KMT2C: variants seen among roughly 807,000 people sequenced by gnomAD.
The protein encoded by KMT2C is histone-lysine N-methyltransferase 2C.
In KMT2C, 88 loss-of-function variants were observed where a neutral mutation model predicts 507.9. The ratio of observed to expected loss-of-function variants is 0.17; its 90% CI spans 0.15 to 0.21. The LOEUF (loss-of-function observed/expected upper bound fraction) is 0.21, where lower values mean the gene tolerates loss of function less well. Ranked by LOEUF, KMT2C falls within the 10% of genes least tolerant of loss-of-function variation. The probability of loss-of-function intolerance (pLI) is 1.00; values close to 1 mark genes in which losing one functional copy is unlikely to be tolerated. For missense variants in KMT2C, 4,954 were observed against 5,957.8 expected (o/e 0.83, Z 5.55); for synonymous variants, 2,049 against 2,080.8 (o/e 0.98, Z 0.42).
At position 152,368,435 on chromosome 7, in the gene KMT2C, A is replaced by G. The variant is rs112516511; in HGVS notation, c.162-9760T>C. ...GAGATGGAGATGGAGCAGGTGTTAG[A>G]GATGAAGGTCAAATAAAAAGTTCAA... is the stretch of plus-strand genomic sequence containing the variant. On this transcript the variant is annotated intron_variant, in intron 1 of 58. Coordinates refer to ENST00000262189, the MANE Select transcript of KMT2C (RefSeq NM_170606.3). The G allele has an allele frequency of 7.3e-5, 85 of 1,158,090 alleles. 1 individual carries two copies. In the African/African-American group the frequency reaches 1.0e-3, roughly 14 times the overall value. 71.7% of individuals were successfully genotyped at this position (1,158,090 alleles called of 1,614,324 possible). A position where few individuals can be genotyped will look rare whatever the true frequency, so the allele number is the denominator to read the frequency against.
intron 23 of KMT2C, among the ~76,000 whole-genome samples, chr7:152,215,109 A>C (rs1343038812): frequency 2.6e-5 from 4 of 152,166 alleles, no homozygotes; most frequent in Admixed American, 6.5e-5. Flanking sequence ...TGCCAAAAAC[A>C]GTTTTAAATG....
At chr7:152,413,947 C>T (rs920386238) in intron 1 of KMT2C, among the ~76,000 whole-genome samples, 1 of 151,698 alleles carries the variant, frequency 6.6e-6, no homozygotes, top group Non-Finnish European at 1.5e-5. Context: ...CGCGATGGCT[C>T]ATGCCTGTAA....
chr7:152,148,570 C>A lies in KMT2C; in HGVS notation c.13357G>T (p.Ala4453Ser). 2 of 1,614,254 alleles carry A rather than the reference C, an allele frequency of 1.2e-6. No individual in the cohort carries two copies. The highest frequency in any genetic ancestry group is 1.7e-6 in the Non-Finnish European group (2 of 1,180,050). ...QAGALINVELALRRGLQMKCV... is the reference protein window; with the variant it reads ...QAGALINVELSLRRGLQMKCV... The stretch of plus-strand genomic sequence containing the variant: ...TTCATTTGTAGGCCTCTCCTCAGAG[C>A]TAGCTCCACATTTATTAAGGCACCA... The change falls in exon 52 of 59, where the codon GCT (alanine) becomes TCT (serine). Residue 4453 changes from alanine (A) to serine (S), a missense_variant. By Grantham distance (99) the Ala-to-Ser change is moderately conservative. Around this residue, in one of 29 missense-constraint regions of KMT2C, gnomAD observed 39 missense variants for 101.8 expected, o/e 0.38. Coordinates refer to ENST00000262189, the MANE Select transcript of KMT2C (RefSeq NM_170606.3). This position sits in a 1 kb window ranked among gnomAD's most constrained non-coding sequence, Gnocchi z 7.1.
chr7:152,140,213 C>T (rs114701655), intron 55 of KMT2C, among the ~76,000 whole-genome samples: 112 of 152,294 alleles, frequency 7.4e-4, no homozygotes, highest in African/African-American at 2.6e-3. Context: ...TAACTATAAC[C>T]AATCACTGAT....
chr7:152,366,586 T>A (rs1028882302), intron 1 of KMT2C, among the ~76,000 whole-genome samples: 3 of 152,262 alleles, frequency 2.0e-5, no homozygotes, highest in African/African-American at 7.2e-5. Context: ...TGCCAGAGGC[T>A]GAGAGAAGGG....
rs1429623814 is a variant in KMT2C at position 152,352,514 on chromosome 7, C to T, written c.250+6073G>A. ...CTTGCTGGTTTTGCGGCCTGTGGGG[C>T]ATCACGGAACCTACCAACATGTGAT... On this transcript the variant is annotated intron_variant, in intron 2 of 58. Coordinates refer to ENST00000262189, the MANE Select transcript of KMT2C (RefSeq NM_170606.3). 2.0e-5 allele frequency among the ~76,000 whole-genome samples: 3 copies of T among 152,154 alleles called. No individual in the cohort carries two copies. The South Asian group carries it at 6.2e-4, about 32-fold the overall frequency.
At chr7:152,260,999 G>C (rs1389438227) in intron 9 of KMT2C, among the ~76,000 whole-genome samples, 1 of 152,114 alleles carries the variant, frequency 6.6e-6, no homozygotes, top group Non-Finnish European at 1.5e-5. Flanking sequence ...AGTAAAAGAA[G>C]AGAAAAGTAG....
chr7:152,303,690 T>G (rs2096591472), intron 6 of KMT2C, among the ~76,000 whole-genome samples: 1 of 152,018 alleles, frequency 6.6e-6, no homozygotes, highest in Non-Finnish European at 1.5e-5. Context: ...TTAAGTTACA[T>G]AAAGGAGATA....
intron 20 of KMT2C, among the ~76,000 whole-genome samples, 173 bp from the exon 21 acceptor site, chr7:152,222,855 A>T (rs1456263211): frequency 6.6e-6 from 1 of 152,218 alleles, no homozygotes; most frequent in Non-Finnish European, 1.5e-5. Flanking sequence ...ACTTTCATAC[A>T]GCTAAGAAGG....
At chr7:152,259,446 G>GCACACGCA (rs1554587606) in intron 9 of KMT2C, among the ~76,000 whole-genome samples, 6 of 134,688 alleles carry the variant, frequency 4.5e-5, no homozygotes, top group Non-Finnish European at 9.5e-5. Context: ...ACACACACGC[G>GCACACGCA]CACACACACA....
intron 2 of KMT2C, among the ~76,000 whole-genome samples, chr7:152,352,452 C>G (rs1406928092): frequency 6.6e-6 from 1 of 152,146 alleles, no homozygotes; most frequent in African/African-American, 2.4e-5. Context: ...ACACCCTATT[C>G]ATATACTCCC....
intron 9 of KMT2C, among the ~76,000 whole-genome samples, chr7:152,259,244 G>C (rs111380172): frequency 6.6e-6 from 1 of 152,016 alleles, no homozygotes; most frequent in Non-Finnish European, 1.5e-5. Flanking sequence ...GACATAACTG[G>C]AATATGGCTA....
At chr7:152,275,592 A>G (rs1012420341) in intron 6 of KMT2C, among the ~76,000 whole-genome samples, 20 of 152,180 alleles carry the variant, frequency 1.3e-4, no homozygotes, top group African/African-American at 4.8e-4. Context: ...CAGAAAATAA[A>G]TATTTTTCTT....
intron 1 of KMT2C, among the ~76,000 whole-genome samples, chr7:152,395,744 G>A (rs946526528): frequency 2.0e-5 from 3 of 152,124 alleles, no homozygotes; most frequent in Admixed American, 2.0e-4. Flanking sequence ...CTGACCTCAA[G>A]TGATCTGCCT....
intron 1 of KMT2C, among the ~76,000 whole-genome samples, chr7:152,426,979 T>C (rs1236802144): frequency 6.6e-6 from 1 of 152,132 alleles, no homozygotes; most frequent in African/African-American, 2.4e-5. Flanking sequence ...CATAAATGTA[T>C]ACTGAAAGAA....
chr7:152,392,538 A>G (rs910145228), intron 1 of KMT2C, among the ~76,000 whole-genome samples: 1 of 152,212 alleles, frequency 6.6e-6, no homozygotes, highest in Non-Finnish European at 1.5e-5. Flanking sequence ...AGTGTCTTAA[A>G]GGCACTGTGC....
At chr7:152,427,003 GT>G (rs919172600) in intron 1 of KMT2C, among the ~76,000 whole-genome samples, 289 of 150,720 alleles carry the variant, frequency 1.9e-3, no homozygotes, top group African/African-American at 6.6e-3. Flanking sequence ...ACTCCCCAGA[GT>G]TTTTTTTTGT....
intron 31 of KMT2C, among the ~76,000 whole-genome samples, chr7:152,189,407 A>G (rs564819942): frequency 5.3e-5 from 8 of 152,372 alleles, no homozygotes; most frequent in African/African-American, 1.7e-4. Context: ...CACATCACCA[A>G]TTAATTACAC....
intron 23 of KMT2C, among the ~76,000 whole-genome samples, chr7:152,211,819 C>T (rs2094461199): frequency 6.6e-6 from 1 of 151,940 alleles, no homozygotes; most frequent in Admixed American, 6.5e-5. Context: ...GAGGCTGAGG[C>T]GGGCGGATCA....
Sources: allele counts gnomAD v4.1 joint callset (sites outside exome capture counted in the v4.1 genomes callset), GRCh38; gene constraint gnomAD v4.1.1; regional missense constraint gnomAD v4.1.1; non-coding constraint Gnocchi (gnomAD v3.1); transcripts MANE v1.5; gene names NCBI Gene and HGNC (gene_info 2026-07-23, HGNC 2026-07-21).